The following TPH2 variants were observed in gnomAD, a reference collection of about 807,000 sequenced individuals.
TPH2 encodes the protein tryptophan 5-hydroxylase 2.
In TPH2, 27 loss-of-function variants were observed where a neutral mutation model predicts 59.1. The ratio of observed to expected loss-of-function variants is 0.46; its 90% confidence interval spans 0.34 to 0.63. The LOEUF (loss-of-function observed/expected upper bound fraction) is 0.63, where lower values mean the gene tolerates loss of function less well. TPH2 is among the 30% of genes least tolerant of loss of function. TPH2 has a pLI of 0.01. For missense variants in TPH2, 523 were observed against 588.3 expected (o/e 0.89, Z 1.15); for synonymous variants, 220 against 210.5 (o/e 1.05, Z -0.39).
At chr12:72,028,754 A>G (rs952069188) in intron 9 of TPH2, among the ~76,000 whole-genome samples, 8 of 152,204 alleles carry the variant, frequency 5.3e-5, no homozygotes, top group African/African-American at 1.9e-4. Context: ...CCAGCAGGTA[A>G]CCAGCATATC....
intron 5 of TPH2, among the ~76,000 whole-genome samples, chr12:71,969,990 A>AG (rs1871927342): frequency 6.6e-6 from 1 of 152,246 alleles, no homozygotes; most frequent in Non-Finnish European, 1.5e-5. Flanking sequence ...TATGCCTGGC[A>AG]CATAGTAAGC....
intron 1 of TPH2, among the ~76,000 whole-genome samples, chr12:71,941,222 C>T (rs1871054325): frequency 6.6e-6 from 1 of 152,140 alleles, no homozygotes; most frequent in African/African-American, 2.4e-5. Flanking sequence ...TAGGATTCAA[C>T]GAGGCTAAGA....
intron 9 of TPH2, among the ~76,000 whole-genome samples, chr12:72,030,256 C>A (rs758281181): frequency 6.6e-6 from 1 of 152,144 alleles, no homozygotes; most frequent in African/African-American, 2.4e-5. Context: ...ATATAGTTCA[C>A]AACCACTTAT....
chr12:72,012,256 G>C (rs10748190), intron 8 of TPH2, among the ~76,000 whole-genome samples: 15 of 151,864 alleles, frequency 9.9e-5, no homozygotes, highest in Non-Finnish European at 1.6e-4. Flanking sequence ...CTCAGGGTCT[G>C]GTGGAGAGGA....
rs117637366 is a variant in TPH2, at chr12:72,021,012, C to T, written c.1069-1387C>T. ...CAAATAAAAATAGAGCAAACTGACA[C>T]GTGCTGGAAATAATTATTATTTTCT... On this transcript the variant is annotated intron_variant, in intron 8 of 10. Coordinates refer to ENST00000333850, the MANE Select transcript of TPH2 (RefSeq NM_173353.4). Among the ~76,000 whole-genome samples, 87 of 114,110 alleles carry T rather than the reference C, an allele frequency of 7.6e-4. 1 individual carries two copies. In the East Asian group the frequency reaches 0.018, roughly 24 times the overall value. 74.9% of individuals were successfully genotyped at this position (114,110 alleles called of 152,430 possible). A position where few individuals can be genotyped will look rare whatever the true frequency, so the allele number is the denominator to read the frequency against.
intron 7 of TPH2, among the ~76,000 whole-genome samples, chr12:71,990,127 G>C (rs1264801255): frequency 6.6e-6 from 1 of 152,188 alleles, no homozygotes; most frequent in Non-Finnish European, 1.5e-5. Context: ...TGCTGATGTA[G>C]AGATTGGAGG....
chr12:71,988,531 T>C (rs1305447782), intron 7 of TPH2, among the ~76,000 whole-genome samples: 1 of 152,038 alleles, frequency 6.6e-6, no homozygotes, highest in East Asian at 1.9e-4. Context: ...CCACACACTT[T>C]TAAACGACCA....
chr12:71,941,186 A>G (rs1196449040), intron 1 of TPH2, among the ~76,000 whole-genome samples: 2 of 152,204 alleles, frequency 1.3e-5, no homozygotes, highest in African/African-American at 4.8e-5. Context: ...TATTTTTAAT[A>G]TGGTTAGTAA....
chr12:72,020,340 T>C (rs1292701630), intron 8 of TPH2, among the ~76,000 whole-genome samples: 1 of 152,138 alleles, frequency 6.6e-6, no homozygotes, highest in Non-Finnish European at 1.5e-5. Flanking sequence ...TGTTGGGGGA[T>C]AGATGATAAG....
intron 4 of TPH2, among the ~76,000 whole-genome samples, chr12:71,945,178 A>G (rs974659147): frequency 6.6e-6 from 1 of 152,206 alleles, no homozygotes; most frequent in Non-Finnish European, 1.5e-5. Flanking sequence ...AATAAAGGCT[A>G]TGATGGAAGA....
At chr12:72,025,921 C>G (rs1873555035) in intron 9 of TPH2, among the ~76,000 whole-genome samples, 1 of 151,920 alleles carries the variant, frequency 6.6e-6, no homozygotes, top group Admixed American at 6.6e-5. Flanking sequence ...TAATTTTGTT[C>G]AACAAACACA....
At chr12:71,990,762 A>G (rs1162240983) in intron 7 of TPH2, among the ~76,000 whole-genome samples, 4 of 152,214 alleles carry the variant, frequency 2.6e-5, no homozygotes, top group Admixed American at 2.6e-4. Context: ...ATGACATGCT[A>G]TGTCCACACT....
rs1472847786 is a variant in TPH2 at position 72,012,195 on chromosome 12, CAAT to C, written c.1069-10201_1069-10199del. 3.1e-3 allele frequency among the ~76,000 whole-genome samples: 473 copies of C among 152,114 alleles called. 4 individuals carry two copies. The highest frequency in any genetic ancestry group is 0.011 in the African/African-American group (452 of 41,498). On this transcript the variant is annotated intron_variant, in intron 8 of 10. Coordinates refer to ENST00000333850, the MANE Select transcript of TPH2 (RefSeq NM_173353.4). Reference sequence around the variant, plus strand: ...AATTCAACAACAACAACAACAACAACAATAACAACAACAACAACAAAAGTCAGA... The same window carrying C: ...AATTCAACAACAACAACAACAACAACAACAACAACAACAACAAAAGTCAGA...
chr12:71,951,765 C>A (rs1460470743), intron 5 of TPH2, among the ~76,000 whole-genome samples: 3 of 151,856 alleles, frequency 2.0e-5, no homozygotes, highest in Non-Finnish European at 4.4e-5. Context: ...GTGGCTCATG[C>A]CTGTAATCTC....
At chr12:71,993,350 A>G (rs1872622697) in intron 7 of TPH2, among the ~76,000 whole-genome samples, 1 of 152,370 alleles carries the variant, frequency 6.6e-6, no homozygotes, top group South Asian at 2.1e-4. Context: ...AAGTGAAATC[A>G]AAACTATCTT....
rs1268196531 is a variant in TPH2 at position 72,012,652 on chromosome 12, A to G, written c.1069-9747A>G. On this transcript the variant is annotated intron_variant, in intron 8 of 10. Coordinates refer to ENST00000333850, the MANE Select transcript of TPH2 (RefSeq NM_173353.4). ...AGATGGTTGTCATGACCTACCATTG[A>G]GTCTTGGAGATGGGAGTATCTTAGA... Among the ~76,000 whole-genome samples the G allele has an allele frequency of 2.0e-5, 3 of 152,182 alleles. No homozygotes were observed. In the East Asian group the frequency reaches 5.8e-4, roughly 29 times the overall value.
chr12:71,989,290 CAAGTT>C (rs1872521583), intron 7 of TPH2, among the ~76,000 whole-genome samples: 1 of 152,162 alleles, frequency 6.6e-6, no homozygotes, highest in Admixed American at 6.5e-5. Context: ...GCCTCACTAC[CAAGTT>C]AATTCCCCTT....
At chr12:71,975,290 A>G (rs1872084763) in intron 6 of TPH2, among the ~76,000 whole-genome samples, 1 of 152,166 alleles carries the variant, frequency 6.6e-6, no homozygotes, top group African/African-American at 2.4e-5. Flanking sequence ...AGATGTAGTG[A>G]GCTGAGATCA....
chr12:71,939,451 A>G (rs949997070), intron 1 of TPH2, among the ~76,000 whole-genome samples: 9 of 151,178 alleles, frequency 6.0e-5, no homozygotes, highest in Non-Finnish European at 1.0e-4. Context: ...GTTTATTATG[A>G]GGAGGAGGAG....
Sources: allele counts gnomAD v4.1 joint callset (sites outside exome capture counted in the v4.1 genomes callset), GRCh38; gene constraint gnomAD v4.1.1; transcripts MANE v1.5; gene names NCBI Gene and HGNC (gene_info 2026-07-23, HGNC 2026-07-21).